The following ZYG11B variants were observed in gnomAD, a reference collection of about 807,000 sequenced individuals.
ZYG11B encodes zyg-11 family member B, cell cycle regulator.
A neutral mutation model predicts 82.4 loss-of-function variants in ZYG11B; 36 were observed. The ratio of observed to expected loss-of-function variants is 0.44; its 90% CI spans 0.33 to 0.58. ZYG11B has a LOEUF of 0.58. Ranked by LOEUF, ZYG11B falls within the 20% of genes least tolerant of loss-of-function variation. The pLI, the probability that ZYG11B is intolerant of heterozygous loss-of-function variation, is 0.02. For synonymous variants in ZYG11B, 303 were observed against 312.8 expected (o/e 0.97, Z 0.33); for missense variants, 552 against 895.6 (o/e 0.62, Z 4.90).
chr1:52,760,677 C>G (rs186312380), intron 2 of ZYG11B, among the ~76,000 whole-genome samples: 1 of 151,486 alleles, frequency 6.6e-6, no homozygotes. Flanking sequence ...AGGCTGGTCT[C>G]GAACTCCTGG....
rs187175546 is a variant in ZYG11B at position 52,742,072 on chromosome 1, C to A, written c.31-14386C>A. Reference sequence around the variant, plus strand: ...TTTAGAAAAAAGTCACCCAAAGATACAATAAAGGAGCACTGTGAAAGCCCT... The same window carrying A: ...TTTAGAAAAAAGTCACCCAAAGATAAAATAAAGGAGCACTGTGAAAGCCCT... On this transcript the variant is annotated intron_variant, in intron 1 of 13. Transcript: ENST00000294353. Among the ~76,000 whole-genome samples, 18 of 152,224 alleles carry A rather than the reference C, an allele frequency of 1.2e-4. No homozygotes were observed. In the East Asian group the frequency reaches 2.9e-3, roughly 24 times the overall value.
Position 52,796,302 on chromosome 1 carries a change from G to C in ZYG11B, c.1345G>C (p.Ala449Pro). Residue 449 changes from alanine (A) to proline (P), a missense_variant, in exon 7 of 14, where the codon GCC becomes CCC. Ala to Pro is a conservative substitution (Grantham distance 27, BLOSUM62 -1). This residue lies in a region of ZYG11B where 359 missense variants were observed against 555.8 expected (regional missense o/e 0.65). Transcript: ENST00000294353. ...TTTTTGTGTTTTCAGGTTTGAAGCA[G>C]CCAAGCTTGTCATGCAGTGGCTTTG... Reference protein sequence around the residue: ...QDVPFNRFEAAKLVMQWLCNH... With the variant: ...QDVPFNRFEAPKLVMQWLCNH... 1 of 1,613,536 alleles carries C rather than the reference G, an allele frequency of 6.2e-7. No individual in the cohort carries two copies. Among genetic ancestry groups the C allele is most frequent in the East Asian group, 2.2e-5 (1 of 44,826 alleles).
rs1353094063 is a variant in ZYG11B, at chr1:52,821,425, T to G, written c.2045-14T>G. The G allele has an allele frequency of 1.3e-6, 2 of 1,524,852 alleles. No individual in the cohort carries two copies. The highest frequency in any genetic ancestry group is 2.2e-5 in the Admixed American group (1 of 46,384). 94.5% of individuals were successfully genotyped at this position (1,524,852 alleles called of 1,614,324 possible). ...ATTTCTCCTGTTTTGTGTGTGTTTT[T>G]TTTTCTTTTTCAGCTTCAAGGTATT... On this transcript the variant is annotated splice_polypyrimidine_tract_variant and intron_variant, in intron 13 of 13. Transcript: ENST00000294353.
At chr1:52,733,776 AGTTT>A (rs1027687736) in intron 1 of ZYG11B, among the ~76,000 whole-genome samples, 3 of 152,154 alleles carry the variant, frequency 2.0e-5, no homozygotes, top group African/African-American at 7.2e-5. Context: ...TGTCTTTAAC[AGTTT>A]GTTATACAAA....
At position 52,746,964 on chromosome 1, in the gene ZYG11B, C is replaced by T. The variant is rs184508939; in HGVS notation, c.31-9494C>T. On this transcript the variant is annotated intron_variant, in intron 1 of 13. Coordinates refer to ENST00000294353, the MANE Select transcript of ZYG11B (RefSeq NM_024646.3). The stretch of plus-strand genomic sequence containing the variant: ...GAGGCCTTATGGGTAAGACAAAGGG[C>T]ATGATATTTGGCATTGAAGATTGGT... 4.1e-4 allele frequency among the ~76,000 whole-genome samples: 62 copies of T among 150,494 alleles called. No individual in the cohort carries two copies. The East Asian group carries it at 0.011, about 26-fold the overall frequency.
At chr1:52,773,119 C>T (rs1488695501) in intron 3 of ZYG11B, among the ~76,000 whole-genome samples, 2 of 151,982 alleles carry the variant, frequency 1.3e-5, no homozygotes, top group Non-Finnish European at 2.9e-5. Flanking sequence ...ATTTCTCATG[C>T]CTAATGGTTT....
chr1:52,751,552 C>G (rs2149926899), intron 1 of ZYG11B, among the ~76,000 whole-genome samples: 1 of 152,088 alleles, frequency 6.6e-6, no homozygotes, highest in South Asian at 2.1e-4. Context: ...ATCACTGGAA[C>G]CTGACGTGAG....
intron 8 of ZYG11B, among the ~76,000 whole-genome samples, chr1:52,797,346 T>C (rs1203542077): frequency 3.2e-5 from 2 of 62,030 alleles, no homozygotes; most frequent in Non-Finnish European, 4.7e-5. Context: ...TTTATAATTA[T>C]ATATTATATA....
At chr1:52,758,448 C>T (rs1266691550) in intron 2 of ZYG11B, among the ~76,000 whole-genome samples, 3 of 151,988 alleles carry the variant, frequency 2.0e-5, no homozygotes, top group Non-Finnish European at 2.9e-5. Context: ...AGAGAAGTAA[C>T]GTCCTGAGGG....
chr1:52,757,309 A>G (rs888452567), intron 2 of ZYG11B, among the ~76,000 whole-genome samples: 1 of 151,872 alleles, frequency 6.6e-6, no homozygotes, highest in Non-Finnish European at 1.5e-5. Flanking sequence ...CACCATGCCC[A>G]GGTGAGAAGT....
chr1:52,798,071 C>T (rs140565191), intron 8 of ZYG11B, among the ~76,000 whole-genome samples: 4 of 150,558 alleles, frequency 2.7e-5, no homozygotes, highest in East Asian at 2.0e-4. Flanking sequence ...TGCAGTGAGC[C>T]GTGATCATGT....
Position 52,726,472 on chromosome 1 carries a change from G to GGGCTGCGGCTGCGGCTGC in ZYG11B, c.-169_-152dup, listed in dbSNP as rs879654681. ...GGGGGCGGAGTCTGCGCTCTGGTTC[G>GGGCTGCGGCTGCGGCTGC]GGCTGCGGCTGCGGCTGCGGCTGCG... On this transcript the variant is annotated 5_prime_UTR_variant, in exon 1 of 14. Transcript: ENST00000294353. 47 of 529,510 alleles carry GGGCTGCGGCTGCGGCTGC rather than the reference G, an allele frequency of 8.9e-5. No individual in the cohort carries two copies. Among genetic ancestry groups the GGGCTGCGGCTGCGGCTGC allele is most frequent in the Admixed American group, 3.6e-4 (8 of 22,012 alleles). 32.8% of individuals were successfully genotyped at this position (529,510 alleles called of 1,614,324 possible).
intron 1 of ZYG11B, among the ~76,000 whole-genome samples, chr1:52,737,481 C>T (rs1644387225): frequency 6.6e-6 from 1 of 151,940 alleles, no homozygotes; most frequent in South Asian, 2.1e-4. Flanking sequence ...TTGAACTGAA[C>T]AATATTGGCT....
At chr1:52,781,518 A>G (rs998416987) in intron 4 of ZYG11B, among the ~76,000 whole-genome samples, 1 of 152,020 alleles carries the variant, frequency 6.6e-6, no homozygotes, top group Non-Finnish European at 1.5e-5. Flanking sequence ...AAAAAAAAAG[A>G]TATTTGTAAA....
chr1:52,759,975 C>A (rs2149931926), intron 2 of ZYG11B, among the ~76,000 whole-genome samples: 1 of 152,242 alleles, frequency 6.6e-6, no homozygotes, highest in East Asian at 1.9e-4. Flanking sequence ...GGGTTACAGG[C>A]ATGTGCCACC....
At position 52,784,981 on chromosome 1, in the gene ZYG11B, G is replaced by A. The variant is rs751987184; in HGVS notation, c.1197G>A (p.Met399Ile). ...CCAAGCAGGATCTTGCTGCAGGGAT[G>A]CCTGTCCGACTCCTGGCTGATGTGA... ...NLTKQDLAAGMPVRLLADVTH... is the reference protein window; with the variant it reads ...NLTKQDLAAGIPVRLLADVTH... Residue 399 changes from methionine (M) to isoleucine (I), a missense_variant, in exon 5 of 14, where the codon ATG (methionine) becomes ATA (isoleucine). Coordinates refer to ENST00000294353, the MANE Select transcript of ZYG11B (RefSeq NM_024646.3). 21 of 1,614,034 alleles carry A rather than the reference G, an allele frequency of 1.3e-5. No individual in the cohort carries two copies. The Admixed American group carries it at 2.7e-4, about 21-fold the overall frequency.
intron 1 of ZYG11B, among the ~76,000 whole-genome samples, chr1:52,743,920 C>T (rs996940054): frequency 4.0e-5 from 6 of 151,588 alleles, no homozygotes; most frequent in African/African-American, 1.5e-4. Flanking sequence ...CCTATCCCTA[C>T]TGTACCTTTT....
At position 52,784,911 on chromosome 1, in the gene ZYG11B, A is replaced by G; in HGVS notation, c.1127A>G (p.Asn376Ser). The change falls in exon 5 of 14, where the codon AAT becomes AGT. Residue 376 changes from asparagine to serine, a missense_variant. Physicochemically the swap from Asn to Ser is conservative, Grantham distance 46 (BLOSUM62 1). Around this residue, in one of 3 missense-constraint regions of ZYG11B, gnomAD observed 359 missense variants for 555.8 expected, o/e 0.65. Coordinates refer to ENST00000294353, the MANE Select transcript of ZYG11B (RefSeq NM_024646.3). ...VVTGMRNHPM[N>S]LPVQLAASAC... is the part of the protein sequence containing the mutation. The stretch of plus-strand genomic sequence containing the variant: ...ACTGGGATGAGAAACCACCCTATGA[A>G]TTTGCCAGTGCAACTGGCTGCAAGC... 6.2e-7 allele frequency: 1 copy of G among 1,613,898 alleles called. No individual in the cohort carries two copies. Among genetic ancestry groups the G allele is most frequent in the Non-Finnish European group, 8.5e-7 (1 of 1,179,958 alleles).
chr1:52,820,443 T>G (rs1400873243), intron 13 of ZYG11B, among the ~76,000 whole-genome samples: 1 of 151,638 alleles, frequency 6.6e-6, no homozygotes, highest in Non-Finnish European at 1.5e-5. Flanking sequence ...GGTCAGGAGT[T>G]TGAGACTGGA....
Sources: allele counts gnomAD v4.1 joint callset (sites outside exome capture counted in the v4.1 genomes callset), GRCh38; gene constraint gnomAD v4.1.1; regional missense constraint gnomAD v4.1.1; transcripts MANE v1.5; gene names NCBI Gene and HGNC (gene_info 2026-07-23, HGNC 2026-07-21).